The following SMARCA5 variants were observed in gnomAD, a reference collection of about 807,000 sequenced individuals.
SMARCA5 encodes the protein SNF2 related chromatin remodeling ATPase 5.
In SMARCA5, 18 loss-of-function variants were observed where a neutral mutation model predicts 140.4. The ratio of observed to expected loss-of-function variants is 0.13; its 90% CI spans 0.09 to 0.19. The LOEUF is 0.19. SMARCA5 is among the 10% of genes least tolerant of loss of function. The pLI is 1.00. For missense variants in SMARCA5, 606 were observed against 1,276.8 expected, an observed-to-expected ratio of 0.47 and a Z score of 8.01; for synonymous variants, 449 against 419.6, an observed-to-expected ratio of 1.07 and a Z score of -0.86.
intron 2 of SMARCA5, among the ~76,000 whole-genome samples, chr4:143,518,327 A>G (rs933032424): frequency 2.0e-5 from 3 of 152,146 alleles, no homozygotes; most frequent in Non-Finnish European, 4.4e-5. Flanking sequence ...GTGAATGTTT[A>G]CTCCGTATCT....
chr4:143,520,114 C>G (rs1736926281), intron 2 of SMARCA5, among the ~76,000 whole-genome samples: 1 of 152,150 alleles, frequency 6.6e-6, no homozygotes, highest in African/African-American at 2.4e-5. Flanking sequence ...TTTTCTCCCT[C>G]AAGACATTTC....
chr4:143,514,134 C>G, intron 1 of SMARCA5, 33 bp downstream of exon 1: 1 of 1,492,776 alleles, frequency 6.7e-7, no homozygotes, highest in Non-Finnish European at 8.9e-7. Context: ...GGAGCGGGTG[C>G]AGCGGGGAGG....
chr4:143,534,338 A>G (rs1166903365), intron 9 of SMARCA5, among the ~76,000 whole-genome samples: 3 of 152,172 alleles, frequency 2.0e-5, no homozygotes, highest in Non-Finnish European at 4.4e-5. Flanking sequence ...CCCAGTAGTA[A>G]TAAATTATAT....
At chr4:143,547,577 A>C in intron 21 of SMARCA5, 74 bp downstream of exon 21, 1 of 801,286 alleles carries the variant, frequency 1.2e-6, no homozygotes, top group African/African-American at 1.7e-5. Context: ...GTGACTTTTT[A>C]TAAAGGAAAA....
chr4:143,549,530 G>C (rs1390996578), intron 22 of SMARCA5, among the ~76,000 whole-genome samples: 1 of 152,062 alleles, frequency 6.6e-6, no homozygotes, highest in African/African-American at 2.4e-5. Context: ...TTCCAAAATT[G>C]GGAAAGGTGC....
intron 3 of SMARCA5, 121 bp downstream of exon 3, chr4:143,521,716 C>A: frequency 1.1e-6 from 1 of 907,678 alleles, no homozygotes; most frequent in Non-Finnish European, 1.6e-6. Flanking sequence ...TTATTTGGCC[C>A]TGTTTGGCTT....
chr4:143,539,694 G>C (rs1737389808), intron 13 of SMARCA5, among the ~76,000 whole-genome samples: 1 of 151,880 alleles, frequency 6.6e-6, no homozygotes, highest in African/African-American at 2.4e-5. Context: ...GCGCCACCAC[G>C]CCTGACTAAT....
intron 11 of SMARCA5, among the ~76,000 whole-genome samples, chr4:143,538,329 C>T (rs1379482309): frequency 1.3e-5 from 2 of 152,126 alleles, no homozygotes; most frequent in South Asian, 2.1e-4. Flanking sequence ...TAATGATTAT[C>T]TTACCCTTTG....
At chr4:143,516,577 C>T (rs1002307440) in intron 1 of SMARCA5, among the ~76,000 whole-genome samples, 2 of 152,156 alleles carry the variant, frequency 1.3e-5, no homozygotes, top group Non-Finnish European at 2.9e-5. Flanking sequence ...AGGGTCTTAA[C>T]AATGAAGTTA....
intron 22 of SMARCA5, 84 bp downstream of exon 22, chr4:143,548,224 A>G: frequency 1.3e-6 from 1 of 749,874 alleles, no homozygotes; most frequent in Non-Finnish European, 2.2e-6. Flanking sequence ...GACTTTAAAA[A>G]AATCTATGAA....
intron 10 of SMARCA5, among the ~76,000 whole-genome samples, chr4:143,535,547 C>CTG (rs961467423): frequency 1.3e-5 from 2 of 152,122 alleles, no homozygotes; most frequent in African/African-American, 2.4e-5. Context: ...AAGAGGTTAT[C>CTG]TGTAGAAGGT....
At chr4:143,529,231 G>T (rs1186578448) in intron 8 of SMARCA5, among the ~76,000 whole-genome samples, 2 of 152,114 alleles carry the variant, frequency 1.3e-5, no homozygotes, top group Admixed American at 6.6e-5. Context: ...CACCACACCA[G>T]GCCTCAGTCT....
At chr4:143,538,076 GC>G (rs1347072920) in intron 11 of SMARCA5, among the ~76,000 whole-genome samples, 1 of 152,146 alleles carries the variant, frequency 6.6e-6, no homozygotes, top group East Asian at 1.9e-4. Flanking sequence ...GTATTATGTA[GC>G]TGCCTAAAGA....
At position 143,538,890 on chromosome 4, in the gene SMARCA5, A is replaced by T; in HGVS notation, c.1722A>T (p.Val574=). 1 of 1,614,040 alleles carries T rather than the reference A, an allele frequency of 6.2e-7. No individual in the cohort carries two copies. Among genetic ancestry groups the T allele is most frequent in the Non-Finnish European group, 8.5e-7 (1 of 1,179,962 alleles). ...TCAATCTTGCGACTGCTGATGTAGT[A>T]ATTTTGTATGATTCTGATTGGAATC... ...LGINLATADV[V]ILYDSDWNPQ... Residue 574 remains valine, a synonymous_variant, in exon 13 of 24, where the codon GTA becomes GTT. Coordinates refer to ENST00000283131, the MANE Select transcript of SMARCA5 (RefSeq NM_003601.4).
intron 5 of SMARCA5, 111 bp from the exon 6 acceptor site, chr4:143,526,170 C>A: frequency 1.2e-6 from 1 of 868,470 alleles, no homozygotes; most frequent in Non-Finnish European, 1.8e-6. Context: ...CATTTATTAA[C>A]TGTTATAAAT....
At chr4:143,545,328 T>G in intron 17 of SMARCA5, 142 bp from the exon 18 acceptor site, 1 of 652,910 alleles carries the variant, frequency 1.5e-6, no homozygotes, top group Non-Finnish European at 2.7e-6. Context: ...CATTTAAAAT[T>G]AAGATATAAA....
chr4:143,528,751 A>T (rs1197469954), intron 8 of SMARCA5, 37 bp downstream of exon 8: 1 of 1,590,028 alleles, frequency 6.3e-7, no homozygotes, highest in South Asian at 1.1e-5. Context: ...TAATAATAAT[A>T]TTTTGCTTAA....
intron 11 of SMARCA5, among the ~76,000 whole-genome samples, 194 bp downstream of exon 11, chr4:143,536,872 A>G (rs781299396): frequency 2.0e-5 from 3 of 152,128 alleles, no homozygotes; most frequent in Admixed American, 6.6e-5. Flanking sequence ...GAAGGTAAGC[A>G]ATAGTTAGAG....
intron 1 of SMARCA5, among the ~76,000 whole-genome samples, chr4:143,516,881 G>A (rs1736852388): frequency 1.3e-5 from 2 of 152,166 alleles, no homozygotes; most frequent in Admixed American, 1.3e-4. Context: ...AATTTAGGCT[G>A]CGAGATAAAG....
Sources: allele counts gnomAD v4.1 joint callset (sites outside exome capture counted in the v4.1 genomes callset), GRCh38; gene constraint gnomAD v4.1.1; transcripts MANE v1.5; gene names NCBI Gene and HGNC (gene_info 2026-07-23, HGNC 2026-07-21).